The following KLHL29 variants were observed in gnomAD, a reference collection of about 807,000 sequenced individuals.
KLHL29 encodes kelch like family member 29.
Under a neutral mutation model 80.4 loss-of-function variants are expected in KLHL29, and 21 were observed. The observed-to-expected ratio is 0.26, with a 90% CI of 0.19 to 0.38. KLHL29 has a LOEUF of 0.38. KLHL29 is among the 10% of genes least tolerant of loss of function. The pLI, the probability that KLHL29 is intolerant of heterozygous loss-of-function variation, is 1.00. For missense variants in KLHL29, 867 were observed against 1,223.9 expected, an observed-to-expected ratio of 0.71 and a Z score of 4.35; for synonymous variants, 511 against 526.8, an observed-to-expected ratio of 0.97 and a Z score of 0.41.
rs563727400 is a variant in KLHL29, at chr2:23,642,708, G to A, written c.798G>A (p.Pro266=). The part of the protein sequence containing the change: ...HMAGPLLPPP[P]PAQPSATLPS... ...CAGGGCCCCTGCTGCCTCCACCGCC[G>A]CCAGCCCAGCCGTCCGCCACTCTCC... The change falls in exon 5 of 14, where the codon CCG becomes CCA. Residue 266 remains proline (P), a synonymous_variant. Transcript: ENST00000486442. The A allele has an allele frequency of 2.4e-4, 369 of 1,548,294 alleles. No homozygotes were observed. Among genetic ancestry groups the A allele is most frequent in the African/African-American group, 4.2e-4 (31 of 73,094 alleles).
Position 23,642,383 on chromosome 2 carries a change from C to A in KLHL29, c.473C>A (p.Thr158Asn). The A allele has an allele frequency of 6.9e-7, 1 of 1,445,420 alleles. No homozygotes were observed. Among genetic ancestry groups the A allele is most frequent in the Non-Finnish European group, 9.1e-7 (1 of 1,093,784 alleles). 89.5% of individuals were successfully genotyped at this position (1,445,420 alleles called of 1,614,324 possible). Reference sequence around the variant, plus strand: ...ACGGTGGCCGCCGGGAACCAGCCCACCCTGATTGCACACTCCTATGGAGTG... The same window carrying A: ...ACGGTGGCCGCCGGGAACCAGCCCAACCTGATTGCACACTCCTATGGAGTG... ...VTTVAAGNQPTLIAHSYGVAQ... is the reference protein window; with the variant it reads ...VTTVAAGNQPNLIAHSYGVAQ... The change falls in exon 5 of 14, where the codon ACC becomes AAC. Residue 158 changes from threonine to asparagine, a missense_variant. Thr to Asn is a moderately conservative substitution (Grantham distance 65, BLOSUM62 0). Around this residue, in one of 2 missense-constraint regions of KLHL29, gnomAD observed 424 missense variants for 456.9 expected, o/e 0.93. Coordinates refer to ENST00000486442, the MANE Select transcript of KLHL29 (RefSeq NM_052920.2).
rs531474490 is a variant in KLHL29 at position 23,666,597 on chromosome 2, A to C, written c.941-17802A>C. Reference sequence around the variant, plus strand: ...CGCAAAGCCCGGCAGAAGGGGTTGCAAATGAGGGCTGGATATGCAAGGAGA... The same window carrying C: ...CGCAAAGCCCGGCAGAAGGGGTTGCCAATGAGGGCTGGATATGCAAGGAGA... On this transcript the variant is annotated intron_variant, in intron 5 of 13. Transcript: ENST00000486442. 5.9e-5 allele frequency among the ~76,000 whole-genome samples: 9 copies of C among 152,368 alleles called. No individual in the cohort carries two copies. In the South Asian group the frequency reaches 1.9e-3, roughly 32 times the overall value.
intron 1 of KLHL29, among the ~76,000 whole-genome samples, chr2:23,396,518 G>C (rs1160102952): frequency 1.3e-5 from 2 of 152,158 alleles, no homozygotes; most frequent in African/African-American, 2.4e-5. Context: ...AAAATTAAGG[G>C]CCGTGGAGTT....
intron 1 of KLHL29, among the ~76,000 whole-genome samples, chr2:23,443,611 T>C (rs930048820): frequency 5.9e-5 from 9 of 152,196 alleles, no homozygotes; most frequent in Non-Finnish European, 1.3e-4. Context: ...TATTCTTCTA[T>C]CCCCTGTATC....
intron 5 of KLHL29, among the ~76,000 whole-genome samples, chr2:23,670,923 T>A (rs150808017): frequency 0.098 from 3,567 of 36,226 alleles, 370 homozygotes; most frequent in Middle Eastern, 0.2. Flanking sequence ...ACGCGCTCTC[T>A]CTCTCTCTCT....
Position 23,562,216 on chromosome 2 carries a change from G to C in KLHL29, c.20G>C (p.Arg7Pro), listed in dbSNP as rs987740761. The C allele has an allele frequency of 6.4e-7, 1 of 1,550,654 alleles. No individual in the cohort carries two copies. The highest frequency in any genetic ancestry group is 1.7e-4 in the Middle Eastern group (1 of 5,992). Residue 7 changes from arginine (R) to proline (P), a missense_variant, in exon 3 of 14, where the codon CGC becomes CCC. By Grantham distance (103) the Arg-to-Pro change is moderately radical. Coordinates refer to ENST00000486442, the MANE Select transcript of KLHL29 (RefSeq NM_052920.2). The surrounding 1 kb of genome is among the most constrained non-coding windows in gnomAD (Gnocchi z 4.5). MSRHHS[R>P]FERDYRVGWD... is the part of the protein sequence containing the mutation. ...ACCGAGATGTCCCGGCACCATAGCC[G>C]CTTCGAAAGAGATTACCGGGTGGGC...
intron 5 of KLHL29, among the ~76,000 whole-genome samples, chr2:23,653,778 G>A (rs564640541): frequency 1.3e-5 from 2 of 152,162 alleles, no homozygotes; most frequent in African/African-American, 4.8e-5. Context: ...ACTCTCCTGG[G>A]CAGATTTCCA....
At chr2:23,532,917 G>A (rs1309390472) in intron 2 of KLHL29, among the ~76,000 whole-genome samples, 2 of 152,168 alleles carry the variant, frequency 1.3e-5, no homozygotes, top group African/African-American at 4.8e-5. Context: ...GTGTGCACGT[G>A]GGCCGAGAGG....
At position 23,684,523 on chromosome 2, in the gene KLHL29, G is replaced by A; in HGVS notation, c.1065G>A (p.Lys355=). The A allele has an allele frequency of 2.6e-6, 4 of 1,548,458 alleles. No individual in the cohort carries two copies. The highest frequency in any genetic ancestry group is 1.4e-5 in the African/African-American group (1 of 72,984). The stretch of plus-strand genomic sequence containing the variant: ...TAGCTTCCTGCAGCTTGTATTTCAA[G>A]GACCTGATTCAAAGGTTTGCCTTCC... The part of the protein sequence containing the change: ...NVLASCSLYF[K]DLIQRSVQDS... The change falls in exon 6 of 14, where the codon AAG becomes AAA. Residue 355 remains lysine (K), a synonymous_variant. Transcript: ENST00000486442. This position sits in a 1 kb window ranked among gnomAD's most constrained non-coding sequence, Gnocchi z 4.4.
In KLHL29 at chr2:23,514,916, A is replaced by G. The variant is rs1007444991; in HGVS notation, c.-46+39249A>G. On this transcript the variant is annotated intron_variant, in intron 2 of 13. Coordinates refer to ENST00000486442, the MANE Select transcript of KLHL29 (RefSeq NM_052920.2). ...CCTTCCAGTTCCTGCACTTCCATTA[A>G]TGACTTCCCTGAACTTGTCCCTCCT... Among the ~76,000 whole-genome samples, 18 of 152,080 alleles carry G rather than the reference A, an allele frequency of 1.2e-4. 1 individual carries two copies. Among genetic ancestry groups the G allele is most frequent in the Admixed American group, 5.2e-4 (8 of 15,274 alleles).
At chr2:23,665,003 G>A (rs556380611) in intron 5 of KLHL29, among the ~76,000 whole-genome samples, 1 of 152,372 alleles carries the variant, frequency 6.6e-6, no homozygotes, top group African/African-American at 2.4e-5. Flanking sequence ...AAAGTGCACA[G>A]AGATAGTGCT....
At chr2:23,480,718 T>A (rs1006908928) in intron 2 of KLHL29, among the ~76,000 whole-genome samples, 3 of 152,210 alleles carry the variant, frequency 2.0e-5, no homozygotes, top group Admixed American at 2.0e-4. Flanking sequence ...TTTCAGTTCC[T>A]TTAAAATCTA....
intron 1 of KLHL29, among the ~76,000 whole-genome samples, chr2:23,404,010 A>G (rs1180197339): frequency 6.6e-6 from 1 of 152,166 alleles, no homozygotes; most frequent in Non-Finnish European, 1.5e-5. Flanking sequence ...GTTCCATGAT[A>G]GTCTCCTTGG....
intron 3 of KLHL29, among the ~76,000 whole-genome samples, 192 bp from the exon 4 acceptor site, chr2:23,638,947 A>G (rs754277871): frequency 6.6e-6 from 1 of 152,144 alleles, no homozygotes; most frequent in Non-Finnish European, 1.5e-5. Flanking sequence ...TGCTACTACT[A>G]TGGCAGAACC....
intron 1 of KLHL29, among the ~76,000 whole-genome samples, chr2:23,434,727 A>G (rs1486765484): frequency 6.6e-6 from 1 of 152,226 alleles, no homozygotes; most frequent in African/African-American, 2.4e-5. Context: ...CATGCTGTAA[A>G]TAGTCATCCA....
rs796327718 is a variant in KLHL29, at chr2:23,522,802, TC to T, written c.-45-39348del. On this transcript the variant is annotated intron_variant, in intron 2 of 13. Coordinates refer to ENST00000486442, the MANE Select transcript of KLHL29 (RefSeq NM_052920.2). ...ACTCTCTCTAAAGCCATCTACCACC[TC>T]CAGGCCAGGCTGTTGGACGTGCAGC... Among the ~76,000 whole-genome samples the T allele has an allele frequency of 7.6e-4, 115 of 152,272 alleles. 1 individual carries two copies. Among genetic ancestry groups the T allele is most frequent in the African/African-American group, 2.7e-3 (114 of 41,550 alleles).
intron 1 of KLHL29, among the ~76,000 whole-genome samples, chr2:23,431,493 C>A (rs879719009): frequency 2.0e-5 from 3 of 152,256 alleles, no homozygotes; most frequent in Non-Finnish European, 4.4e-5. Context: ...ACAGGCTCCT[C>A]GCCAGCCCTG....
At chr2:23,387,687 A>G (rs1444806118) in intron 1 of KLHL29, among the ~76,000 whole-genome samples, 1 of 152,180 alleles carries the variant, frequency 6.6e-6, no homozygotes. Flanking sequence ...GCATGCGTGT[A>G]TTTGATTAGT....
chr2:23,570,457 G>A (rs919514284), intron 3 of KLHL29, among the ~76,000 whole-genome samples: 3 of 152,282 alleles, frequency 2.0e-5, no homozygotes, highest in South Asian at 2.1e-4. Context: ...AGCCACCCAC[G>A]GGGTCACCCT....
Sources: gnomAD v4.1 joint callset for allele counts (sites outside exome capture counted in the v4.1 genomes callset) on GRCh38, gnomAD v4.1.1 for gene constraint, gnomAD v4.1.1 regional missense constraint, Gnocchi (gnomAD v3.1) non-coding constraint, MANE v1.5 for transcripts, NCBI Gene and HGNC (gene_info 2026-07-23, HGNC 2026-07-21) for gene names.